RNLS: variants seen among roughly 807,000 people sequenced by gnomAD.
RNLS encodes the protein renalase.
A neutral mutation model predicts 39.8 loss-of-function variants in RNLS; 39 were observed. The ratio of observed to expected loss-of-function variants is 0.98; its 90% CI spans 0.76 to 1.28. The LOEUF is 1.28. RNLS is among the 50% of genes most tolerant of loss of function. RNLS has a pLI of 0.00. For missense variants in RNLS, 410 were observed against 413.3 expected, an observed-to-expected ratio of 0.99 and a Z score of 0.07; for synonymous variants, 147 against 150.7, an observed-to-expected ratio of 0.98 and a Z score of 0.18.
intron 5 of RNLS, among the ~76,000 whole-genome samples, chr10:88,355,999 G>A (rs1849144968): frequency 6.6e-6 from 1 of 152,222 alleles, no homozygotes; most frequent in African/African-American, 2.4e-5. Context: ...AGGCTCCGTG[G>A]GCATGGGACC....
intron 4 of RNLS, among the ~76,000 whole-genome samples, chr10:88,482,486 C>A (rs2134024396): frequency 6.6e-6 from 1 of 152,232 alleles, no homozygotes; most frequent in South Asian, 2.1e-4. Flanking sequence ...CCAGAGTTTC[C>A]ATTTAATTCT....
At chr10:88,381,376 T>C (rs1442213917) in intron 4 of RNLS, among the ~76,000 whole-genome samples, 1 of 150,424 alleles carries the variant, frequency 6.6e-6, no homozygotes, top group East Asian at 2.0e-4. Context: ...AGGTAGTCTG[T>C]TGTTTTCGTT....
chr10:88,325,726 T>C (rs1846551758), intron 5 of RNLS, among the ~76,000 whole-genome samples: 2 of 152,172 alleles, frequency 1.3e-5, no homozygotes, highest in African/African-American at 4.8e-5. Context: ...TCTATCTCAA[T>C]TGTGTTGGTC....
intron 4 of RNLS, among the ~76,000 whole-genome samples, chr10:88,422,566 G>A (rs1440789074): frequency 6.6e-6 from 1 of 152,112 alleles, no homozygotes; most frequent in Admixed American, 6.6e-5. Flanking sequence ...AGGGTCTTCT[G>A]TTTACTAATT....
chr10:88,183,931 A>G, the RNLS span, among the ~76,000 whole-genome samples: 1 of 152,126 alleles, frequency 6.6e-6, no homozygotes. Flanking sequence ...TCACTGCTCT[A>G]TGGGACAGCT....
the RNLS span, among the ~76,000 whole-genome samples, chr10:88,223,613 C>A: frequency 6.6e-6 from 1 of 152,110 alleles, no homozygotes; most frequent in Non-Finnish European, 1.5e-5. Flanking sequence ...ACATGTTGCC[C>A]TTTAAATAAA....
chr10:88,220,176 G>T, the RNLS span, among the ~76,000 whole-genome samples: 1 of 152,200 alleles, frequency 6.6e-6, no homozygotes, highest in Admixed American at 6.5e-5. Context: ...CAATGCTGGT[G>T]CCAGTAGTTC....
intron 4 of RNLS, among the ~76,000 whole-genome samples, chr10:88,455,976 A>T (rs577419010): frequency 3.9e-5 from 6 of 152,356 alleles, no homozygotes; most frequent in African/African-American, 1.4e-4. Context: ...AACAGTTTTA[A>T]CTGATGGGCT....
At chr10:88,424,011 T>G (rs1027884787) in intron 4 of RNLS, among the ~76,000 whole-genome samples, 2 of 152,190 alleles carry the variant, frequency 1.3e-5, no homozygotes, top group Non-Finnish European at 2.9e-5. Flanking sequence ...TTATCTCTCA[T>G]GTAAAGTCTT....
At chr10:88,299,558 G>T (rs1248205835) in intron 6 of RNLS, among the ~76,000 whole-genome samples, 1 of 152,202 alleles carries the variant, frequency 6.6e-6, no homozygotes, top group Non-Finnish European at 1.5e-5. Context: ...CCGTGAGGTG[G>T]AGGTTGCAGT....
chr10:88,338,250 C>T (rs1847656200), intron 5 of RNLS, among the ~76,000 whole-genome samples: 1 of 152,170 alleles, frequency 6.6e-6, no homozygotes, highest in Non-Finnish European at 1.5e-5. Context: ...GAAACGCTTC[C>T]CTTCAACTGA....
rs1199581922 is a variant in RNLS at position 88,557,613 on chromosome 10, CT to C, written c.526+15289del. ...GAAGAATGCCAGTATTCCTCCCATT[CT>C]TTTTTTTATCCTTCCCTTCCTCTCT... On this transcript the variant is annotated intron_variant, in intron 4 of 6. Transcript: ENST00000331772. Among the ~76,000 whole-genome samples, 11 of 152,092 alleles carry C rather than the reference CT, an allele frequency of 7.2e-5. No homozygotes were observed. In the South Asian group the frequency reaches 1.5e-3, roughly 20 times the overall value.
chr10:88,190,579 T>C, the RNLS span, among the ~76,000 whole-genome samples: 2 of 152,244 alleles, frequency 1.3e-5, no homozygotes, highest in Non-Finnish European at 1.5e-5. Context: ...GTCTTTAGCA[T>C]GCTATAATAT....
At chr10:88,578,691 T>G (rs556233778) in intron 3 of RNLS, among the ~76,000 whole-genome samples, 3 of 152,184 alleles carry the variant, frequency 2.0e-5, no homozygotes, top group Non-Finnish European at 2.9e-5. Context: ...GGAGGTACTA[T>G]TAGTTTCTGA....
intron 4 of RNLS, among the ~76,000 whole-genome samples, chr10:88,533,009 T>C (rs1251825063): frequency 6.6e-6 from 1 of 152,106 alleles, no homozygotes; most frequent in Non-Finnish European, 1.5e-5. Flanking sequence ...AATCATGTTA[T>C]TGAATTATTC....
chr10:88,300,847 A>G (rs1655287924), intron 6 of RNLS, among the ~76,000 whole-genome samples: 1 of 152,196 alleles, frequency 6.6e-6, no homozygotes, highest in African/African-American at 2.4e-5. Flanking sequence ...TGTTAGTTTT[A>G]TAGCATAATA....
At chr10:88,519,698 A>T (rs1355852105) in intron 4 of RNLS, among the ~76,000 whole-genome samples, 1 of 150,594 alleles carries the variant, frequency 6.6e-6, no homozygotes, top group Non-Finnish European at 1.5e-5. Context: ...ACATAGATAT[A>T]TATCTGATAT....
At chr10:88,562,083 G>T (rs1849226341) in intron 4 of RNLS, among the ~76,000 whole-genome samples, 1 of 152,170 alleles carries the variant, frequency 6.6e-6, no homozygotes, top group South Asian at 2.1e-4. Context: ...ATTGTCAAAC[G>T]TAAGAGTGAG....
At chr10:88,234,762 C>T in the RNLS span, among the ~76,000 whole-genome samples, 2 of 152,024 alleles carry the variant, frequency 1.3e-5, no homozygotes, top group Admixed American at 6.5e-5. Flanking sequence ...AGAACAAAGT[C>T]GGTATTGTCA....
Sources: gnomAD v4.1 joint callset for allele counts (sites outside exome capture counted in the v4.1 genomes callset) on GRCh38, gnomAD v4.1.1 for gene constraint, MANE v1.5 for transcripts, NCBI Gene and HGNC (gene_info 2026-07-23, HGNC 2026-07-21) for gene names.